Variants in GLRA2 observed in about 807,000 individuals in gnomAD.
GLRA2 encodes the protein glycine receptor alpha 2.
Under a neutral mutation model 31.6 loss-of-function variants are expected in GLRA2, and 11 were observed. That is an observed-to-expected ratio of 0.35 (90% CI 0.22 to 0.58). The LOEUF (loss-of-function observed/expected upper bound fraction) is 0.58, where lower values mean the gene tolerates loss of function less well. Ranked by LOEUF, GLRA2 falls within the 20% of genes least tolerant of loss-of-function variation. GLRA2 has a pLI of 0.84. For synonymous variants in GLRA2, 132 were observed against 134.0 expected, an observed-to-expected ratio of 0.99 and a Z score of 0.10; for missense variants, 212 against 351.8, an observed-to-expected ratio of 0.60 and a Z score of 3.18.
chrX:14,513,775 G>A, the GLRA2 span, among the ~76,000 whole-genome samples: 1 of 111,565 alleles, frequency 9.0e-6, no homozygotes, highest in Non-Finnish European at 1.9e-5. Context: ...ATAGATGTTG[G>A]CATGGATGTG....
chrX:14,662,072 T>C (rs989925955), intron 7 of GLRA2, among the ~76,000 whole-genome samples: 21 of 109,853 alleles, frequency 1.9e-4, no homozygotes, highest in South Asian at 4.0e-4. Context: ...AGCTCCTATT[T>C]AAGAAAGGGA....
intron 2 of GLRA2, among the ~76,000 whole-genome samples, chrX:14,535,175 C>T (rs1317262145): frequency 9.0e-6 from 1 of 111,633 alleles, no homozygotes; most frequent in African/African-American, 3.2e-5. Context: ...AAATATGGGC[C>T]ACTGAGGTAA....
chrX:14,511,054 A>T, the GLRA2 span, among the ~76,000 whole-genome samples: 7 of 111,577 alleles, frequency 6.3e-5, no homozygotes, highest in South Asian at 2.6e-3. Context: ...CATTAGGTAT[A>T]TCTCCCAATG....
chrX:14,471,179 T>G, the GLRA2 span, among the ~76,000 whole-genome samples: 1 of 111,819 alleles, frequency 8.9e-6, no homozygotes, highest in South Asian at 3.7e-4. Context: ...CTTAATTACT[T>G]TTTTTGATTA....
chrX:14,546,996 T>C (rs1407953642), intron 2 of GLRA2, among the ~76,000 whole-genome samples: 1 of 111,702 alleles, frequency 9.0e-6, no homozygotes, highest in African/African-American at 3.3e-5. Context: ...GCTTCAGTGA[T>C]AGAGCAAAGC....
intron 3 of GLRA2, chrX:14,574,619 C>A: frequency 1.2e-6 from 1 of 853,640 alleles, no homozygotes; most frequent in Non-Finnish European, 1.7e-6. Context: ...GATTGAAGTG[C>A]ACTGTGGCAT....
the GLRA2 span, among the ~76,000 whole-genome samples, chrX:14,484,130 G>T: frequency 9.0e-6 from 1 of 111,521 alleles, no homozygotes; most frequent in East Asian, 2.8e-4. Flanking sequence ...TCATTTGTAT[G>T]TATATATATT....
chrX:14,475,227 C>G, the GLRA2 span, among the ~76,000 whole-genome samples: 1 of 112,187 alleles, frequency 8.9e-6, no homozygotes, highest in Non-Finnish European at 1.9e-5. Flanking sequence ...GATATTTTAT[C>G]CTTTGTCCTT....
chrX:14,579,243 T>C (rs2089989589), intron 3 of GLRA2, among the ~76,000 whole-genome samples: 1 of 112,158 alleles, frequency 8.9e-6, no homozygotes, highest in South Asian at 3.8e-4. Context: ...AAACAAGTTA[T>C]AAGAAGATGC....
intron 8 of GLRA2, among the ~76,000 whole-genome samples, chrX:14,719,045 G>A (rs143524363): frequency 2.9e-4 from 32 of 111,492 alleles, no homozygotes; most frequent in Middle Eastern, 4.6e-3. Context: ...CACCCTCTTC[G>A]CACAACAATT....
intron 4 of GLRA2, among the ~76,000 whole-genome samples, chrX:14,597,989 C>A (rs1011470200): frequency 9.0e-5 from 10 of 111,457 alleles, no homozygotes; most frequent in Non-Finnish European, 1.3e-4. Flanking sequence ...ACTATTATCA[C>A]CATCACTTTA....
chrX:14,627,785 C>G (rs994585658), intron 7 of GLRA2, among the ~76,000 whole-genome samples: 1 of 111,484 alleles, frequency 9.0e-6, no homozygotes, highest in African/African-American at 3.3e-5. Flanking sequence ...AAATTGGCAC[C>G]TAATAATGTT....
intron 8 of GLRA2, among the ~76,000 whole-genome samples, chrX:14,697,981 T>A (rs1346383948): frequency 1.8e-5 from 2 of 111,780 alleles, no homozygotes; most frequent in East Asian, 5.6e-4. Context: ...CTATCAAAAT[T>A]GTCCTTGTTT....
Position 14,607,119 on chromosome X carries a change from T to A in GLRA2, c.578-12T>A. 8.6e-7 allele frequency: 1 copy of A among 1,161,463 alleles called. No homozygotes were observed. The highest frequency in any genetic ancestry group is 1.2e-6 in the Non-Finnish European group (1 of 858,077). On this transcript the variant is annotated splice_polypyrimidine_tract_variant and intron_variant, in intron 5 of 8. Coordinates refer to ENST00000218075, the MANE Select transcript of GLRA2 (RefSeq NM_002063.4). ...GCCATATTCAATTTTCACTATGATT[T>A]CTTTACCTCAGTTGGGTACACGATG...
At chrX:14,702,313 G>C (rs1939308313) in intron 8 of GLRA2, among the ~76,000 whole-genome samples, 1 of 111,512 alleles carries the variant, frequency 9.0e-6, no homozygotes, top group South Asian at 3.7e-4. Flanking sequence ...TATATAGAAA[G>C]GATCAGATTG....
At chrX:14,651,323 T>C (rs1036316820) in intron 7 of GLRA2, among the ~76,000 whole-genome samples, 1 of 111,269 alleles carries the variant, frequency 9.0e-6, no homozygotes, top group African/African-American at 3.3e-5. Context: ...TAGGAAGCAG[T>C]GTAGTTTTTT....
At chrX:14,464,723 A>AT in the GLRA2 span, among the ~76,000 whole-genome samples, 2 of 109,441 alleles carry the variant, frequency 1.8e-5, no homozygotes, top group Admixed American at 2.0e-4. Flanking sequence ...CGCCCAGCTA[A>AT]TTTTTTGTAT....
intron 7 of GLRA2, among the ~76,000 whole-genome samples, chrX:14,644,640 A>G (rs1306004750): frequency 1.8e-5 from 2 of 111,920 alleles, no homozygotes; most frequent in African/African-American, 6.5e-5. Flanking sequence ...TCTTTTGCCT[A>G]CATAAGATTT....
intron 7 of GLRA2, among the ~76,000 whole-genome samples, chrX:14,681,913 A>ATATATATATATATATG (rs2091213479): frequency 3.3e-4 from 20 of 59,800 alleles, no homozygotes; most frequent in African/African-American, 1.1e-3. Context: ...AAAAAAAAAT[A>ATATATATATATATATG]TATATATATA....
Sources: allele counts gnomAD v4.1 joint callset (sites outside exome capture counted in the v4.1 genomes callset), GRCh38; gene constraint gnomAD v4.1.1; transcripts MANE v1.5; gene names NCBI Gene and HGNC (gene_info 2026-07-23, HGNC 2026-07-21).